The following LRP1B variants were observed in gnomAD, a reference collection of about 807,000 sequenced individuals.
LRP1B encodes LDL receptor related protein 1B.
In LRP1B, 217 loss-of-function variants were observed where a neutral mutation model predicts 556.6. That is an observed-to-expected ratio of 0.39 (90% CI 0.35 to 0.44). The LOEUF (loss-of-function observed/expected upper bound fraction) is 0.44. Ranked by LOEUF, LRP1B falls within the 20% of genes least tolerant of loss-of-function variation. LRP1B has a pLI of 1.00. For synonymous variants in LRP1B, 2,047 were observed against 1,865.8 expected (o/e 1.10, Z -2.50); for missense variants, 5,053 against 5,620.8 (o/e 0.90, Z 3.23).
chr2:140,714,088 T>C (rs1687129266), intron 37 of LRP1B, among the ~76,000 whole-genome samples: 2 of 152,258 alleles, frequency 1.3e-5, no homozygotes, highest in South Asian at 2.1e-4. Context: ...TTAACTGAAA[T>C]GTGTACTTGT....
chr2:141,932,435 C>T (rs540223451), intron 1 of LRP1B, among the ~76,000 whole-genome samples: 3 of 151,920 alleles, frequency 2.0e-5, no homozygotes, highest in Admixed American at 6.6e-5. Flanking sequence ...TGACTTTGGG[C>T]CTCTGAACAT....
chr2:141,243,488 AAAAT>A (rs773294773), intron 5 of LRP1B, among the ~76,000 whole-genome samples: 6 of 152,154 alleles, frequency 3.9e-5, no homozygotes, highest in Non-Finnish European at 8.8e-5. Context: ...TCTCTTAAAG[AAAAT>A]AAATAAATAA....
chr2:141,940,645 G>A (rs1700769696), intron 1 of LRP1B, among the ~76,000 whole-genome samples: 1 of 152,132 alleles, frequency 6.6e-6, no homozygotes, highest in African/African-American at 2.4e-5. Flanking sequence ...TTGAATATAT[G>A]TGTATTTTTC....
At chr2:141,441,525 T>A (rs149029026) in intron 3 of LRP1B, among the ~76,000 whole-genome samples, 7 of 152,366 alleles carry the variant, frequency 4.6e-5, no homozygotes, top group East Asian at 1.9e-4. Flanking sequence ...AACTATTTTT[T>A]TGTTTTATAC....
intron 1 of LRP1B, among the ~76,000 whole-genome samples, chr2:141,834,779 C>T (rs1395784790): frequency 1.3e-5 from 2 of 151,482 alleles, no homozygotes; most frequent in African/African-American, 4.8e-5. Context: ...TCAGTGACTA[C>T]GATGAAGAAA....
chr2:141,822,714 A>G (rs1696797062), intron 1 of LRP1B, among the ~76,000 whole-genome samples: 1 of 152,108 alleles, frequency 6.6e-6, no homozygotes, highest in Non-Finnish European at 1.5e-5. Flanking sequence ...TTTAAATCAT[A>G]ATTCCTTGTT....
At chr2:140,252,073 A>AAAAAG (rs1681452254) in intron 86 of LRP1B, among the ~76,000 whole-genome samples, 1 of 119,628 alleles carries the variant, frequency 8.4e-6, no homozygotes, top group African/African-American at 3.3e-5. Context: ...AAAAAAAAAA[A>AAAAAG]AAAAAAAAAA....
chr2:141,931,871 G>A (rs893983130), intron 1 of LRP1B, among the ~76,000 whole-genome samples: 1 of 152,002 alleles, frequency 6.6e-6, no homozygotes, highest in African/African-American at 2.4e-5. Context: ...AGACAGTGAT[G>A]GAGTAAACAA....
At chr2:140,880,235 T>C (rs1693432422) in intron 25 of LRP1B, among the ~76,000 whole-genome samples, 1 of 152,180 alleles carries the variant, frequency 6.6e-6, no homozygotes, top group Non-Finnish European at 1.5e-5. Flanking sequence ...GAAGATGCCA[T>C]GCAGTAGCGT....
At chr2:140,852,484 A>C (rs1433239505) in intron 27 of LRP1B, among the ~76,000 whole-genome samples, 1 of 152,262 alleles carries the variant, frequency 6.6e-6, no homozygotes, top group Non-Finnish European at 1.5e-5. Flanking sequence ...TTAACCAACC[A>C]TGAAGGTTCC....
chr2:141,597,759 G>GT lies in LRP1B; in HGVS notation c.206-117227dup, dbSNP rs1439847101. Among the ~76,000 whole-genome samples, 4 of 151,882 alleles carry GT rather than the reference G, an allele frequency of 2.6e-5. No homozygotes were observed. The East Asian group carries it at 7.7e-4, about 29-fold the overall frequency. On this transcript the variant is annotated intron_variant, in intron 2 of 90. Coordinates refer to ENST00000389484, the MANE Select transcript of LRP1B (RefSeq NM_018557.3). Reference sequence around the variant, plus strand: ...TTACTTCTTTTAAGGTACTTATGTAGTTTTTCAATACAGTGGAGATTCATC... The same window carrying GT: ...TTACTTCTTTTAAGGTACTTATGTAGTTTTTTCAATACAGTGGAGATTCATC...
At chr2:141,252,207 T>G (rs1383403437) in intron 4 of LRP1B, among the ~76,000 whole-genome samples, 1 of 71,962 alleles carries the variant, frequency 1.4e-5, no homozygotes, top group Admixed American at 1.5e-4. Flanking sequence ...CCCCACCCCC[T>G]AAAAAAAAAA....
intron 1 of LRP1B, among the ~76,000 whole-genome samples, chr2:141,816,211 T>C (rs1454405660): frequency 2.0e-5 from 3 of 152,148 alleles, no homozygotes; most frequent in Non-Finnish European, 2.9e-5. Context: ...CTTGATTGCA[T>C]TGAAGGATGC....
chr2:141,610,665 C>A (rs1574138062), intron 2 of LRP1B, among the ~76,000 whole-genome samples: 1 of 152,150 alleles, frequency 6.6e-6, no homozygotes, highest in East Asian at 1.9e-4. Context: ...CATTTCTACA[C>A]CATTTGGCTG....
At chr2:142,064,633 T>C (rs969073713) in intron 1 of LRP1B, among the ~76,000 whole-genome samples, 1 of 151,534 alleles carries the variant, frequency 6.6e-6, no homozygotes, top group African/African-American at 2.4e-5. Context: ...CTCTGTGCAA[T>C]GTCTTACTTC....
chr2:140,571,720 A>C (rs1200787422), intron 43 of LRP1B, among the ~76,000 whole-genome samples: 1 of 151,836 alleles, frequency 6.6e-6, no homozygotes, highest in African/African-American at 2.4e-5. Flanking sequence ...AAGTAAAAAA[A>C]CAAAGATAAA....
chr2:141,965,890 AT>A (rs1701551834), intron 1 of LRP1B, among the ~76,000 whole-genome samples: 1 of 151,238 alleles, frequency 6.6e-6, no homozygotes, highest in Non-Finnish European at 1.5e-5. Flanking sequence ...GCTGAGACAA[AT>A]TTTATGCTAT....
intron 1 of LRP1B, among the ~76,000 whole-genome samples, chr2:142,028,120 A>G (rs1175294440): frequency 6.6e-6 from 1 of 152,002 alleles, no homozygotes; most frequent in Non-Finnish European, 1.5e-5. Flanking sequence ...CTAGTCCATG[A>G]ACAAAAATAG....
At chr2:141,633,637 C>A (rs942741552) in intron 2 of LRP1B, among the ~76,000 whole-genome samples, 9 of 151,894 alleles carry the variant, frequency 5.9e-5, no homozygotes, top group Non-Finnish European at 1.0e-4. Flanking sequence ...CCATTGTAAC[C>A]ATTTTAAGTA....
Sources: allele counts gnomAD v4.1 joint callset (sites outside exome capture counted in the v4.1 genomes callset), GRCh38; gene constraint gnomAD v4.1.1; transcripts MANE v1.5; gene names NCBI Gene and HGNC (gene_info 2026-07-23, HGNC 2026-07-21).